Variants in PDZD2 observed in about 807,000 individuals in gnomAD.
PDZD2 encodes the protein PDZ domain containing 2, also known as PDZ domain-containing protein 2.
A neutral mutation model predicts 220.7 loss-of-function variants in PDZD2; 90 were observed. That is an observed-to-expected ratio of 0.41 (90% CI 0.34 to 0.49). The LOEUF is 0.49. Ranked by LOEUF, PDZD2 falls within the 20% of genes least tolerant of loss-of-function variation. The pLI is 0.28. For missense variants in PDZD2, 3,174 were observed against 3,608.5 expected (o/e 0.88, Z 3.08); for synonymous variants, 1,375 against 1,450.5 (o/e 0.95, Z 1.18).
intron 2 of PDZD2, among the ~76,000 whole-genome samples, chr5:31,826,205 G>T (rs916188215): frequency 6.6e-6 from 1 of 152,038 alleles, no homozygotes; most frequent in Non-Finnish European, 1.5e-5. Context: ...TTTCATGCCC[G>T]GCTGTGGGCT....
rs1041382979 is a variant in PDZD2 at position 32,109,387 on chromosome 5, A to T, written c.*1252A>T. The T allele has an allele frequency of 1.3e-5, 2 of 152,178 alleles. No homozygotes were observed. The highest frequency in any genetic ancestry group is 1.3e-4 in the Admixed American group (2 of 15,268). The allele number at this position is 152,178 out of a possible 1,614,324, so 9.4% of individuals were successfully genotyped here. Reference sequence around the variant, plus strand: ...TTCCTACAGAAGACTGTCGTGACTCACGCTACTTGGGAAACTCACTCTGGC... The same window carrying T: ...TTCCTACAGAAGACTGTCGTGACTCTCGCTACTTGGGAAACTCACTCTGGC... On this transcript the variant is annotated 3_prime_UTR_variant, in exon 25 of 25. Transcript: ENST00000438447.
chr5:32,052,858 C>A, intron 9 of PDZD2, 128 bp downstream of exon 9: 1 of 934,646 alleles, frequency 1.1e-6, no homozygotes, highest in Non-Finnish European at 1.6e-6. Context: ...TTGCCCAGGC[C>A]GGAGTGCAGT....
chr5:31,686,035 T>C (rs2150125574), intron 1 of PDZD2, among the ~76,000 whole-genome samples: 1 of 151,940 alleles, frequency 6.6e-6, no homozygotes, highest in East Asian at 2.0e-4. Context: ...CTGTCTCTAA[T>C]AAAAATACAA....
intron 8 of PDZD2, among the ~76,000 whole-genome samples, chr5:32,051,121 G>A (rs183571456): frequency 6.6e-6 from 1 of 152,120 alleles, no homozygotes; most frequent in Non-Finnish European, 1.5e-5. Flanking sequence ...GGTTCCTTCT[G>A]GTTCCCAAAA....
chr5:31,822,265 C>A (rs10072103), intron 2 of PDZD2, among the ~76,000 whole-genome samples: 1 of 145,600 alleles, frequency 6.9e-6, no homozygotes, highest in Non-Finnish European at 1.5e-5. Flanking sequence ...CTTTTTTTCA[C>A]GCAATCTTTT....
rs531893656 is a variant in PDZD2, at chr5:31,737,484, T to A, written c.-360-61405T>A. 1.3e-5 allele frequency among the ~76,000 whole-genome samples: 2 copies of A among 152,288 alleles called. 1 individual carries two copies. Among genetic ancestry groups the A allele is most frequent in the South Asian group, 4.1e-4 (2 of 4,820 alleles). On this transcript the variant is annotated intron_variant, in intron 1 of 24. Coordinates refer to ENST00000438447, the MANE Select transcript of PDZD2 (RefSeq NM_178140.4). The stretch of plus-strand genomic sequence containing the variant: ...ACCGCGCCCGGCCAGAGCAGTCTAC[T>A]TCTTATAGGGAAAGGATCTGAGGCC...
At chr5:31,693,209 G>A (rs1480638056) in intron 1 of PDZD2, among the ~76,000 whole-genome samples, 1 of 151,192 alleles carries the variant, frequency 6.6e-6, no homozygotes. Context: ...GGACAGTCTG[G>A]GGGTGGGGGC....
chr5:31,973,409 TTTTTATCTGGTG>T (rs752970399), intron 2 of PDZD2, among the ~76,000 whole-genome samples: 8 of 152,242 alleles, frequency 5.3e-5, no homozygotes, highest in Non-Finnish European at 8.8e-5. Context: ...ATTTAGCTGC[TTTTTATCTGGTG>T]TTTTCTGTAG....
At position 32,090,386 on chromosome 5, in the gene PDZD2, A is replaced by G. The variant is rs1742990707; in HGVS notation, c.6938A>G (p.Lys2313Arg). The G allele has an allele frequency of 9.3e-6, 15 of 1,614,164 alleles. No homozygotes were observed. Among genetic ancestry groups the G allele is most frequent in the Middle Eastern group, 3.3e-4 (2 of 6,062 alleles). The change falls in exon 20 of 25, where the codon AAA becomes AGA. Residue 2313 changes from lysine to arginine, a missense_variant. Physicochemically the swap from Lys to Arg is conservative, Grantham distance 26 (BLOSUM62 2). Coordinates refer to ENST00000438447, the MANE Select transcript of PDZD2 (RefSeq NM_178140.4). This position sits in a 1 kb window ranked among gnomAD's most constrained non-coding sequence, Gnocchi z 4.3. The stretch of plus-strand genomic sequence containing the variant: ...AGCTGCCTAGTCACAGACAAAATCA[A>G]AGTCACCAGACGACACTACTGCTAT... ...ETSCLVTDKI[K>R]VTRRHYCYEQ... is the part of the protein sequence containing the mutation.
chr5:32,032,636 A>G (rs7707783), intron 6 of PDZD2, among the ~76,000 whole-genome samples: 84,374 of 151,972 alleles, frequency 0.56, 23,993 homozygotes, highest in South Asian at 0.63. Flanking sequence ...TTATCCTTGT[A>G]AATTATGTCT....
chr5:31,699,061 A>G (rs1464851987), intron 1 of PDZD2, among the ~76,000 whole-genome samples: 1 of 152,160 alleles, frequency 6.6e-6, no homozygotes, highest in Non-Finnish European at 1.5e-5. Context: ...TGTTAAACAG[A>G]TATTTGTAAT....
At chr5:31,906,231 T>C (rs1742632627) in intron 2 of PDZD2, among the ~76,000 whole-genome samples, 1 of 139,750 alleles carries the variant, frequency 7.2e-6, no homozygotes, top group South Asian at 2.3e-4. Context: ...AAGTAAAATA[T>C]ACTTCATGTT....
chr5:32,090,121 A>T lies in PDZD2; in HGVS notation c.6673A>T (p.Met2225Leu). The change falls in exon 20 of 25, where the codon ATG (methionine) becomes TTG (leucine). Residue 2225 changes from methionine (M) to leucine (L), a missense_variant. Transcript: ENST00000438447. This position sits in a 1 kb window ranked among gnomAD's most constrained non-coding sequence, Gnocchi z 4.3. ...AAGGCCAGCGACCAGGACCTACTCCATGCCAGCCCAGTTCTCAAGCCATTT... is the reference window on the plus strand; with the variant it reads ...AAGGCCAGCGACCAGGACCTACTCCTTGCCAGCCCAGTTCTCAAGCCATTT... ...TPRPATRTYS[M>L]PAQFSSHFGR... 1 of 1,613,824 alleles carries T rather than the reference A, an allele frequency of 6.2e-7. No individual in the cohort carries two copies. Among genetic ancestry groups the T allele is most frequent in the Non-Finnish European group, 8.5e-7 (1 of 1,179,998 alleles).
chr5:31,849,256 G>C (rs917774138), intron 2 of PDZD2, among the ~76,000 whole-genome samples: 1 of 152,108 alleles, frequency 6.6e-6, no homozygotes, highest in Non-Finnish European at 1.5e-5. Context: ...ACACCCTTTT[G>C]AGTCAGACCA....
intron 1 of PDZD2, among the ~76,000 whole-genome samples, chr5:31,745,907 A>G (rs1750581655): frequency 6.6e-6 from 1 of 151,056 alleles, no homozygotes; most frequent in Non-Finnish European, 1.5e-5. Flanking sequence ...TGTGCCTTCT[A>G]CTATAGCCAG....
At chr5:31,660,591 C>A (rs29751) in intron 1 of PDZD2, among the ~76,000 whole-genome samples, 47,375 of 152,002 alleles carry the variant, frequency 0.31, 8,372 homozygotes, top group East Asian at 0.61. Flanking sequence ...AAACTAACAG[C>A]TCTTGAGAGA....
chr5:32,096,829 ATTTTTT>A (rs71831480), intron 21 of PDZD2, among the ~76,000 whole-genome samples: 5 of 96,832 alleles, frequency 5.2e-5, no homozygotes, highest in African/African-American at 1.7e-4. Flanking sequence ...ATGTACTATG[ATTTTTT>A]TTTTTTTTTT....
intron 1 of PDZD2, among the ~76,000 whole-genome samples, chr5:31,640,605 C>G (rs1744912557): frequency 6.6e-6 from 1 of 152,126 alleles, no homozygotes; most frequent in Non-Finnish European, 1.5e-5. Context: ...TCTCTGAACA[C>G]TGGAGGGCTT....
chr5:31,687,107 A>G (rs1185125669), intron 1 of PDZD2, among the ~76,000 whole-genome samples: 1 of 152,190 alleles, frequency 6.6e-6, no homozygotes, highest in Non-Finnish European at 1.5e-5. Context: ...AAAAAAGTTC[A>G]TCAGTAAATC....
Sources: allele counts gnomAD v4.1 joint callset (sites outside exome capture counted in the v4.1 genomes callset), GRCh38; gene constraint gnomAD v4.1.1; non-coding constraint Gnocchi (gnomAD v3.1); transcripts MANE v1.5; gene names NCBI Gene and HGNC (gene_info 2026-07-23, HGNC 2026-07-21).